Variants in SLC9B1 observed in about 807,000 individuals in gnomAD.
The protein encoded by SLC9B1 is sodium/hydrogen exchanger 9B1.
In SLC9B1, 32 loss-of-function variants were observed where a neutral mutation model predicts 51.7. The observed-to-expected ratio is 0.62, with a 90% CI of 0.47 to 0.83. The LOEUF (loss-of-function observed/expected upper bound fraction) is 0.83, where lower values mean the gene tolerates loss of function less well. Ranked by LOEUF, SLC9B1 falls within the 40% of genes least tolerant of loss-of-function variation. SLC9B1 has a pLI of 0.00. For synonymous variants in SLC9B1, 145 were observed against 212.7 expected (o/e 0.68, Z 2.77); for missense variants, 406 against 613.2 (o/e 0.66, Z 3.57).
chr4:102,956,278 C>T (rs1280545533), intron 3 of SLC9B1, among the ~76,000 whole-genome samples: 2 of 149,290 alleles, frequency 1.3e-5, no homozygotes, highest in Non-Finnish European at 3.0e-5. Flanking sequence ...TGCTTTGTAT[C>T]CATTCACTAT....
At chr4:103,009,912 G>C (rs897185009) in intron 1 of SLC9B1, among the ~76,000 whole-genome samples, 1 of 108,416 alleles carries the variant, frequency 9.2e-6, no homozygotes, top group African/African-American at 4.3e-5. Flanking sequence ...TTCAAACTAG[G>C]TCAGTATTTT....
intron 6 of SLC9B1, among the ~76,000 whole-genome samples, chr4:102,943,897 G>GA (rs1341944398): frequency 1.3e-5 from 2 of 151,724 alleles, no homozygotes; most frequent in Non-Finnish European, 2.9e-5. Flanking sequence ...AATGAAAAAA[G>GA]AAAAAAGACA....
chr4:102,975,586 A>ATATTTTTTTTTT (rs1217142990), intron 3 of SLC9B1, among the ~76,000 whole-genome samples: 3 of 62,304 alleles, frequency 4.8e-5, no homozygotes, highest in African/African-American at 7.5e-5. Context: ...ATATATATAT[A>ATATTTTTTTTTT]TTTTTTTTTT....
At chr4:102,936,133 C>T (rs1736712822) in intron 6 of SLC9B1, among the ~76,000 whole-genome samples, 1 of 152,172 alleles carries the variant, frequency 6.6e-6, no homozygotes, top group Non-Finnish European at 1.5e-5. Context: ...GAGCATGCAG[C>T]TCAGGAGTGC....
intron 3 of SLC9B1, among the ~76,000 whole-genome samples, chr4:102,974,232 G>T (rs1284723345): frequency 1.3e-4 from 5 of 39,248 alleles, no homozygotes; most frequent in African/African-American, 7.4e-4. Context: ...GCAAGACTCT[G>T]TCTAAAATTG....
At chr4:102,908,292 GT>G (rs1203161989) in intron 9 of SLC9B1, among the ~76,000 whole-genome samples, 1 of 152,236 alleles carries the variant, frequency 6.6e-6, no homozygotes, top group Non-Finnish European at 1.5e-5. Flanking sequence ...AAAAATGACT[GT>G]CTAGTTTATG....
chr4:102,995,317 T>A (rs1267853383), intron 1 of SLC9B1, among the ~76,000 whole-genome samples: 3 of 152,076 alleles, frequency 2.0e-5, no homozygotes, highest in Non-Finnish European at 4.4e-5. Flanking sequence ...TAAATGAGGA[T>A]CATATTATAG....
At chr4:102,916,743 C>T (rs1303533390) in intron 7 of SLC9B1, among the ~76,000 whole-genome samples, 1 of 152,094 alleles carries the variant, frequency 6.6e-6, no homozygotes, top group Non-Finnish European at 1.5e-5. Context: ...TCTTTTCTGA[C>T]CACATTAAAT....
intron 6 of SLC9B1, among the ~76,000 whole-genome samples, chr4:102,942,191 A>G (rs956781124): frequency 5.3e-5 from 8 of 152,166 alleles, no homozygotes; most frequent in Admixed American, 2.6e-4. Flanking sequence ...AAAACACTGC[A>G]GAAAGAAATC....
intron 3 of SLC9B1, among the ~76,000 whole-genome samples, chr4:102,986,266 T>C (rs77434742): frequency 0.012 from 1,847 of 149,178 alleles, 43 homozygotes; most frequent in African/African-American, 0.041. Context: ...TTTTTTTTTT[T>C]TCTCTCTCTC....
rs1225583486 is a variant in SLC9B1, at chr4:102,919,617, G to A, written c.830-8080C>T. Among the ~76,000 whole-genome samples the A allele has an allele frequency of 5.9e-5, 9 of 152,296 alleles. No homozygotes were observed. The East Asian group carries it at 7.7e-4, about 13-fold the overall frequency. ...AGCAGGGTGGGGCATCACCTCACCC[G>A]GGAAGCACAAGGGGTTGGGGGATTT... On this transcript the variant is annotated intron_variant, in intron 7 of 11. Transcript: ENST00000296422.
chr4:102,908,561 T>G (rs1268719054), intron 9 of SLC9B1, among the ~76,000 whole-genome samples: 2 of 152,242 alleles, frequency 1.3e-5, no homozygotes, highest in Non-Finnish European at 2.9e-5. Flanking sequence ...CCAGATAGAT[T>G]AAAAGACTAA....
intron 1 of SLC9B1, among the ~76,000 whole-genome samples, chr4:103,017,817 T>C (rs1741466229): frequency 6.6e-6 from 1 of 152,236 alleles, no homozygotes; most frequent in Admixed American, 6.5e-5. Context: ...GCGATCTTGC[T>C]AGTCTTTCTT....
intron 3 of SLC9B1, among the ~76,000 whole-genome samples, chr4:102,986,517 T>C (rs1739633584): frequency 6.6e-6 from 1 of 152,212 alleles, no homozygotes; most frequent in Non-Finnish European, 1.5e-5. Flanking sequence ...GTGCTTGACA[T>C]TCATTTGTGG....
At chr4:102,903,449 C>G (rs2110423537) in intron 11 of SLC9B1, among the ~76,000 whole-genome samples, 1 of 152,306 alleles carries the variant, frequency 6.6e-6, no homozygotes, top group Admixed American at 6.5e-5. Flanking sequence ...TGCTAAGAAA[C>G]AGATACAGTC....
At chr4:102,928,821 C>G (rs1736312018) in intron 7 of SLC9B1, among the ~76,000 whole-genome samples, 1 of 152,006 alleles carries the variant, frequency 6.6e-6, no homozygotes, top group Non-Finnish European at 1.5e-5. Flanking sequence ...CTTTGAGTCT[C>G]TGGATGAAGG....
intron 1 of SLC9B1, among the ~76,000 whole-genome samples, chr4:103,009,458 A>G (rs1740978252): frequency 6.6e-6 from 1 of 152,254 alleles, no homozygotes; most frequent in Non-Finnish European, 1.5e-5. Flanking sequence ...AGGTATGCCA[A>G]TTAAATTTGA....
At chr4:102,926,017 G>A (rs940510091) in intron 7 of SLC9B1, among the ~76,000 whole-genome samples, 3 of 152,244 alleles carry the variant, frequency 2.0e-5, no homozygotes, top group Admixed American at 1.3e-4. Context: ...CTCAATAGAT[G>A]CAGAAAAGGC....
At chr4:102,932,404 G>T in intron 6 of SLC9B1, 105 bp from the exon 7 acceptor site, 2 of 1,085,508 alleles carry the variant, frequency 1.8e-6, no homozygotes, top group Non-Finnish European at 1.3e-6. Context: ...TTGTTTAGAA[G>T]AATTTCAAAT....
Sources: allele counts gnomAD v4.1 joint callset (sites outside exome capture counted in the v4.1 genomes callset), GRCh38; gene constraint gnomAD v4.1.1; transcripts MANE v1.5; gene names NCBI Gene and HGNC (gene_info 2026-07-23, HGNC 2026-07-21).